Variants in CTNNA2 observed in about 807,000 individuals in gnomAD.
CTNNA2 encodes the protein catenin alpha-2.
In CTNNA2, 42 loss-of-function variants were observed where a neutral mutation model predicts 101.0. The ratio of observed to expected loss-of-function variants is 0.42; its 90% confidence interval spans 0.32 to 0.54. CTNNA2 has a LOEUF of 0.54. CTNNA2 is among the 20% of genes least tolerant of loss of function. The pLI, the probability that CTNNA2 is intolerant of heterozygous loss-of-function variation, is 0.14. For missense variants in CTNNA2, 871 were observed against 1,223.1 expected, an observed-to-expected ratio of 0.71 and a Z score of 4.29; for synonymous variants, 450 against 456.4, an observed-to-expected ratio of 0.99 and a Z score of 0.18.
intron 2 of CTNNA2, among the ~76,000 whole-genome samples, chr2:79,729,157 A>G (rs986431751): frequency 2.0e-5 from 3 of 152,166 alleles, no homozygotes; most frequent in Non-Finnish European, 4.4e-5. Flanking sequence ...ATTGAACTCA[A>G]TTTTATACAG....
chr2:79,982,493 A>G lies in CTNNA2; in HGVS notation c.1056+72696A>G, dbSNP rs189684139. ...TAACTACACACACACACACACACAC[A>G]CACACACATGCACGCACACACACAC... is the stretch of plus-strand genomic sequence containing the variant. On this transcript the variant is annotated intron_variant, in intron 7 of 18. Coordinates refer to ENST00000402739, the MANE Select transcript of CTNNA2 (RefSeq NM_001282597.3). Among the ~76,000 whole-genome samples the G allele has an allele frequency of 2.1e-3, 318 of 150,400 alleles. 7 individuals carry two copies. In the East Asian group the frequency reaches 0.056, roughly 26 times the overall value.
chr2:80,358,648 C>T (rs1674088195), intron 7 of CTNNA2, among the ~76,000 whole-genome samples: 1 of 152,052 alleles, frequency 6.6e-6, no homozygotes, highest in Non-Finnish European at 1.5e-5. Flanking sequence ...CCACTGTGCC[C>T]AGCCACTACT....
intron 7 of CTNNA2, among the ~76,000 whole-genome samples, chr2:80,124,186 G>A (rs912916178): frequency 3.9e-5 from 6 of 152,132 alleles, no homozygotes; most frequent in Non-Finnish European, 8.8e-5. Context: ...GGCATGTCAT[G>A]TTCCTTTTTG....
At chr2:79,404,857 C>G (rs1207712525) in intron 4 of CTNNA2, among the ~76,000 whole-genome samples, 1 of 151,980 alleles carries the variant, frequency 6.6e-6, no homozygotes, top group African/African-American at 2.4e-5. Flanking sequence ...GTATCCCCTA[C>G]CCTTGAATGT....
intron 18 of CTNNA2, among the ~76,000 whole-genome samples, chr2:80,635,984 T>TTC (rs1389904343): frequency 9.9e-5 from 15 of 151,384 alleles, no homozygotes; most frequent in Admixed American, 1.3e-4. Flanking sequence ...TTTTTTTTTT[T>TTC]TTTTTTGATA....
At chr2:79,459,912 A>G (rs942299786) in intron 4 of CTNNA2, among the ~76,000 whole-genome samples, 4 of 152,206 alleles carry the variant, frequency 2.6e-5, no homozygotes, top group African/African-American at 9.6e-5. Context: ...GTCTAAAATT[A>G]TACAACTTAT....
chr2:79,818,594 T>C (rs751154226), intron 3 of CTNNA2, among the ~76,000 whole-genome samples: 1 of 151,440 alleles, frequency 6.6e-6, no homozygotes, highest in Non-Finnish European at 1.5e-5. Flanking sequence ...GGATTACAGG[T>C]GTGAGCCACC....
At chr2:80,294,756 G>T (rs1423874193) in intron 7 of CTNNA2, among the ~76,000 whole-genome samples, 1 of 152,180 alleles carries the variant, frequency 6.6e-6, no homozygotes, top group Non-Finnish European at 1.5e-5. Context: ...GCTCCCAAGT[G>T]GTTCCAGTGT....
chr2:79,761,101 A>G (rs1055935064), intron 3 of CTNNA2, among the ~76,000 whole-genome samples: 4 of 152,262 alleles, frequency 2.6e-5, no homozygotes, highest in African/African-American at 9.6e-5. Flanking sequence ...TTTAAATTGA[A>G]TATGTGAAAA....
At chr2:80,617,076 A>G (rs1248624670) in intron 17 of CTNNA2, among the ~76,000 whole-genome samples, 1 of 151,802 alleles carries the variant, frequency 6.6e-6, no homozygotes, top group Non-Finnish European at 1.5e-5. Context: ...TGCTGGGAGA[A>G]TTGTACCATC....
intron 7 of CTNNA2, among the ~76,000 whole-genome samples, chr2:80,264,043 T>G (rs1672816222): frequency 6.6e-6 from 1 of 152,236 alleles, no homozygotes; most frequent in Non-Finnish European, 1.5e-5. Flanking sequence ...CCCTTAATTT[T>G]GCATTTTTCT....
At chr2:80,019,494 G>A (rs562912998) in intron 7 of CTNNA2, among the ~76,000 whole-genome samples, 1 of 152,258 alleles carries the variant, frequency 6.6e-6, no homozygotes, top group Non-Finnish European at 1.5e-5. Context: ...CTAAAATAGA[G>A]GATCACCTGA....
chr2:79,876,945 T>G (rs1195734072), intron 6 of CTNNA2, among the ~76,000 whole-genome samples: 1 of 152,032 alleles, frequency 6.6e-6, no homozygotes, highest in East Asian at 1.9e-4. Flanking sequence ...CATGATATAT[T>G]TGAAACAGTT....
intron 7 of CTNNA2, among the ~76,000 whole-genome samples, chr2:80,269,854 A>G (rs1673320475): frequency 6.6e-6 from 1 of 152,150 alleles, no homozygotes; most frequent in South Asian, 2.1e-4. Context: ...TTTATGAATT[A>G]TTTTTTATAT....
intron 9 of CTNNA2, among the ~76,000 whole-genome samples, chr2:80,434,485 CTTTTTT>C (rs1169944635): frequency 1.1e-5 from 1 of 89,962 alleles, no homozygotes; most frequent in African/African-American, 5.1e-5. Context: ...TTCTGTGTCT[CTTTTTT>C]TTTTTTTTTT....
At chr2:79,392,328 G>A (rs74320810) in intron 4 of CTNNA2, among the ~76,000 whole-genome samples, 1,799 of 152,206 alleles carry the variant, frequency 0.012, 39 homozygotes, top group African/African-American at 0.04. Flanking sequence ...GTTCAAAACC[G>A]TGTTCTTTTA....
intron 7 of CTNNA2, among the ~76,000 whole-genome samples, chr2:80,118,144 A>G (rs761659296): frequency 2.0e-5 from 3 of 151,892 alleles, no homozygotes; most frequent in African/African-American, 4.9e-5. Context: ...TGAAAAATAC[A>G]TTGTGTTAAA....
At chr2:80,402,220 C>T (rs1445153991) in intron 8 of CTNNA2, among the ~76,000 whole-genome samples, 1 of 152,188 alleles carries the variant, frequency 6.6e-6, no homozygotes, top group Admixed American at 6.5e-5. Flanking sequence ...TGGGAAGGGG[C>T]TCAGAGCTTC....
chr2:80,294,675 C>A (rs1047085789), intron 7 of CTNNA2, among the ~76,000 whole-genome samples: 2 of 152,002 alleles, frequency 1.3e-5, no homozygotes, highest in Non-Finnish European at 2.9e-5. Context: ...TTCTCCTCAC[C>A]AAGGCCACAC....
Sources: allele counts gnomAD v4.1 joint callset (sites outside exome capture counted in the v4.1 genomes callset), GRCh38; gene constraint gnomAD v4.1.1; transcripts MANE v1.5; gene names NCBI Gene and HGNC (gene_info 2026-07-23, HGNC 2026-07-21).